The following MTA3 variants were observed in gnomAD, a reference collection of about 807,000 sequenced individuals.
The protein encoded by MTA3 is metastasis associated 1 family member 3, also known as metastasis-associated protein MTA3.
A neutral mutation model predicts 83.5 loss-of-function variants in MTA3; 34 were observed. That is an observed-to-expected ratio of 0.41 (90% CI 0.31 to 0.54). MTA3 has a LOEUF of 0.54. Among genes scored for constraint, MTA3 ranks in the 20% least tolerant of loss-of-function variants. The probability of loss-of-function intolerance (pLI) is 0.33; values close to 1 mark genes in which losing one functional copy is unlikely to be tolerated. For synonymous variants in MTA3, 303 were observed against 252.7 expected (o/e 1.20, Z -1.89); for missense variants, 761 against 726.4 (o/e 1.05, Z -0.55).
At chr2:42,501,004 G>A (rs867101466) in intron 2 of MTA3, among the ~76,000 whole-genome samples, 54 of 152,120 alleles carry the variant, frequency 3.5e-4, no homozygotes, top group African/African-American at 1.2e-3. Flanking sequence ...TAGAGACGGG[G>A]TTTCACCGTG....
At chr2:42,671,907 A>C (rs1690828586) in intron 8 of MTA3, among the ~76,000 whole-genome samples, 2 of 152,164 alleles carry the variant, frequency 1.3e-5, no homozygotes, top group African/African-American at 4.8e-5. Flanking sequence ...AAAAAAGGAA[A>C]CTTGCTGTTT....
chr2:42,714,121 T>C (rs1285811425), intron 14 of MTA3, among the ~76,000 whole-genome samples: 1 of 152,234 alleles, frequency 6.6e-6, no homozygotes, highest in Non-Finnish European at 1.5e-5. Flanking sequence ...TGACAAGTTA[T>C]ATTAGCTTGC....
At chr2:42,708,743 T>G (rs886923104) in intron 13 of MTA3, 131 bp from the exon 14 acceptor site, 1 of 907,744 alleles carries the variant, frequency 1.1e-6, no homozygotes, top group Non-Finnish European at 1.7e-6. Context: ...TTAGAGGTAG[T>G]GCACCAAGTG....
intron 16 of MTA3, among the ~76,000 whole-genome samples, chr2:42,725,216 A>G (rs905909233): frequency 4.6e-5 from 7 of 152,228 alleles, no homozygotes; most frequent in African/African-American, 1.7e-4. Context: ...AGTACTTGGC[A>G]TGTAGTAGGT....
intron 4 of MTA3, among the ~76,000 whole-genome samples, chr2:42,628,490 T>C (rs1686346413): frequency 1.3e-5 from 2 of 152,152 alleles, no homozygotes; most frequent in Non-Finnish European, 2.9e-5. Flanking sequence ...TGCCTCAGCC[T>C]CCCAAAGTGG....
chr2:42,756,166 T>G lies in MTA3; in HGVS notation c.*2767T>G, dbSNP rs1244287471. 2.7e-6 allele frequency: 1 copy of G among 367,678 alleles called. No homozygotes were observed. Among genetic ancestry groups the G allele is most frequent in the Non-Finnish European group, 3.8e-6 (1 of 265,104 alleles). 22.8% of individuals were successfully genotyped at this position (367,678 alleles called of 1,614,324 possible). On this transcript the variant is annotated 3_prime_UTR_variant, in exon 17 of 17. Transcript: ENST00000405094. ...AAGCCGCCCCCATCCTGAGACTGGC[T>G]GGGCACCAGGGGAGGACGCGTCACC...
intron 2 of MTA3, among the ~76,000 whole-genome samples, chr2:42,517,345 G>A (rs1367725750): frequency 6.6e-6 from 1 of 152,050 alleles, no homozygotes; most frequent in Non-Finnish European, 1.5e-5. Flanking sequence ...GCCGAGGCAG[G>A]TGCATCACCT....
chr2:42,568,875 C>G, intron 1 of MTA3, 102 bp downstream of exon 1: 6 of 1,138,596 alleles, frequency 5.3e-6, no homozygotes, highest in Non-Finnish European at 6.6e-6. Flanking sequence ...GGCGCCGGGG[C>G]TGAGGTCGCA....
At chr2:42,555,877 G>A (rs932163611) in intron 2 of MTA3, among the ~76,000 whole-genome samples, 2 of 152,068 alleles carry the variant, frequency 1.3e-5, no homozygotes, top group South Asian at 2.1e-4. Flanking sequence ...TTCGAGATCA[G>A]CCTGGCCAAC....
rs142809149 is a variant in MTA3, at chr2:42,651,781, C to T, written c.500-4419C>T. On this transcript the variant is annotated intron_variant, in intron 6 of 16. Transcript: ENST00000405094. ...CGCCACTGTACTCCAGCCTGGGTGA[C>T]AGAGCGAGACCTTGTCTCAAAAAAA... Among the ~76,000 whole-genome samples the T allele has an allele frequency of 5.9e-3, 881 of 150,254 alleles. 5 individuals are homozygous for T. Among genetic ancestry groups the T allele is most frequent in the African/African-American group, 0.021 (848 of 40,752 alleles).
chr2:42,602,783 G>T (rs1160740612), intron 3 of MTA3, among the ~76,000 whole-genome samples: 1 of 152,108 alleles, frequency 6.6e-6, no homozygotes, highest in Non-Finnish European at 1.5e-5. Context: ...GTCAGACCAA[G>T]CCCAAGTACA....
chr2:42,618,293 CATT>C (rs1685147006), intron 4 of MTA3, among the ~76,000 whole-genome samples: 1 of 152,028 alleles, frequency 6.6e-6, no homozygotes. Flanking sequence ...CGTTAAGTGT[CATT>C]ATCATTTGAG....
At chr2:42,570,205 T>C (rs1239854258) in intron 1 of MTA3, among the ~76,000 whole-genome samples, 1 of 152,146 alleles carries the variant, frequency 6.6e-6, no homozygotes, top group African/African-American at 2.4e-5. Context: ...GACAGAAGTC[T>C]AGGAGAAACT....
chr2:42,505,602 A>C (rs1489116420), intron 2 of MTA3, among the ~76,000 whole-genome samples: 1 of 151,922 alleles, frequency 6.6e-6, no homozygotes. Flanking sequence ...CAATCAGATG[A>C]ATCTAGAATG....
Position 42,709,005 on chromosome 2 carries a change from T to A in MTA3, c.1434T>A (p.Phe478Leu), listed in dbSNP as rs755206538. 1 of 1,614,034 alleles carries A rather than the reference T, an allele frequency of 6.2e-7. No individual in the cohort carries two copies. Among genetic ancestry groups the A allele is most frequent in the South Asian group, 1.1e-5 (1 of 91,080 alleles). Reference protein sequence around the residue: ...FFLHTTYFTKFARQVCKNTLR... With the variant: ...FFLHTTYFTKLARQVCKNTLR... ...TTCATACTACATATTTCACAAAATT[T>A]GCTCGTCAGGTCTGCAAAAATACCC... The change falls in exon 14 of 17, where the codon TTT becomes TTA. Residue 478 changes from phenylalanine to leucine, a missense_variant. Coordinates refer to ENST00000405094, the MANE Select transcript of MTA3 (RefSeq NM_001330442.2).
At chr2:42,517,864 CAAAAAAA>C (rs386390061) in intron 2 of MTA3, among the ~76,000 whole-genome samples, 2 of 95,274 alleles carry the variant, frequency 2.1e-5, no homozygotes, top group South Asian at 7.0e-4. Flanking sequence ...GACTCTGTCT[CAAAAAAA>C]AAAAAAAAAA....
At chr2:42,551,062 A>C (rs1468865408) in intron 2 of MTA3, among the ~76,000 whole-genome samples, 5 of 151,184 alleles carry the variant, frequency 3.3e-5, no homozygotes, top group African/African-American at 1.2e-4. Context: ...TAAATAAATA[A>C]ATAAATAAAT....
intron 14 of MTA3, among the ~76,000 whole-genome samples, chr2:42,715,130 C>T (rs1200569763): frequency 6.6e-6 from 1 of 152,152 alleles, no homozygotes; most frequent in Non-Finnish European, 1.5e-5. Flanking sequence ...ATGCATATCT[C>T]CCTGTTGAAG....
chr2:42,742,006 A>G (rs1669072489), intron 16 of MTA3, among the ~76,000 whole-genome samples: 1 of 152,234 alleles, frequency 6.6e-6, no homozygotes, highest in African/African-American at 2.4e-5. Context: ...TAATAAAACT[A>G]CATATTCCTG....
Sources: gnomAD v4.1 joint callset for allele counts (sites outside exome capture counted in the v4.1 genomes callset) on GRCh38, gnomAD v4.1.1 for gene constraint, MANE v1.5 for transcripts, NCBI Gene and HGNC (gene_info 2026-07-23, HGNC 2026-07-21) for gene names.